Variants in FAM53B observed in about 807,000 individuals in gnomAD.
FAM53B encodes the protein protein FAM53B.
In FAM53B, 12 loss-of-function variants were observed where a neutral mutation model predicts 32.7. That is an observed-to-expected ratio of 0.37 (90% confidence interval 0.24 to 0.59). The LOEUF (loss-of-function observed/expected upper bound fraction) is 0.59, where lower values mean the gene tolerates loss of function less well. Among genes scored for constraint, FAM53B ranks in the 20% least tolerant of loss-of-function variants. The pLI is 0.72. For synonymous variants in FAM53B, 234 were observed against 228.7 expected (o/e 1.02, Z -0.21); for missense variants, 477 against 577.7 (o/e 0.83, Z 1.79).
Position 124,682,562 on chromosome 10 carries a change from C to T in FAM53B, c.134-183G>A, listed in dbSNP as rs1469321047. ...TGAGGCTGAGAGAGGAGAAGTGAAT[C>T]CCAAGGCTTTGAGTTGGAAGTTGGA... On this transcript the variant is annotated intron_variant, in intron 3 of 4. Transcript: ENST00000337318. The surrounding 1 kb of genome is among the most constrained non-coding windows in gnomAD (Gnocchi z 5.2). 7.2e-5 allele frequency among the ~76,000 whole-genome samples: 11 copies of T among 152,110 alleles called. No individual in the cohort carries two copies. Among genetic ancestry groups the T allele is most frequent in the Admixed American group, 7.2e-4 (11 of 15,272 alleles).
chr10:124,696,258 C>T (rs375070498), intron 2 of FAM53B, 46 bp from the exon 3 acceptor site: 17 of 1,496,166 alleles, frequency 1.1e-5, no homozygotes, highest in Non-Finnish European at 1.5e-5. Flanking sequence ...TCATAGGAAG[C>T]ATGTTTGCAC....
chr10:124,685,310 G>C (rs1479042440), intron 3 of FAM53B, among the ~76,000 whole-genome samples: 1 of 152,198 alleles, frequency 6.6e-6, no homozygotes, highest in Non-Finnish European at 1.5e-5. Flanking sequence ...GAATATGTGG[G>C]GGATGTGACT....
At chr10:124,678,739 G>C (rs1302231190) in intron 4 of FAM53B, among the ~76,000 whole-genome samples, 1 of 152,128 alleles carries the variant, frequency 6.6e-6, no homozygotes, top group African/African-American at 2.4e-5. Flanking sequence ...ATGAGGGCAG[G>C]GCCTTGGACC....
At chr10:124,642,651 A>G (rs1371179823) in intron 4 of FAM53B, among the ~76,000 whole-genome samples, 1 of 152,174 alleles carries the variant, frequency 6.6e-6, no homozygotes, top group Non-Finnish European at 1.5e-5. Context: ...CCCGAGACAC[A>G]GGGGCACGTG....
chr10:124,734,825 G>A lies in FAM53B; in HGVS notation c.-175+9188C>T, dbSNP rs114571752. Reference sequence around the variant, plus strand: ...CCAGCCAGCCCCAGACTCATGAGGCGCGATGCTCACCAGACCCAGGGAATA... The same window carrying A: ...CCAGCCAGCCCCAGACTCATGAGGCACGATGCTCACCAGACCCAGGGAATA... On this transcript the variant is annotated intron_variant, in intron 1 of 4. Transcript: ENST00000337318. 3.5e-4 allele frequency among the ~76,000 whole-genome samples: 53 copies of A among 152,308 alleles called. No homozygotes were observed. The South Asian group carries it at 9.7e-3, about 28-fold the overall frequency.
chr10:124,702,161 C>T (rs969451909), intron 2 of FAM53B, among the ~76,000 whole-genome samples: 4 of 152,234 alleles, frequency 2.6e-5, no homozygotes, highest in African/African-American at 7.2e-5. Context: ...CCCATAATTC[C>T]AAAGTGGCCT....
intron 4 of FAM53B, chr10:124,667,378 C>T (rs140765789): frequency 1.3e-5 from 10 of 764,806 alleles, no homozygotes; most frequent in African/African-American, 3.4e-5. Flanking sequence ...ACTCAGCCAC[C>T]GCCTGTAAAA....
In FAM53B at chr10:124,655,473, C is replaced by T. The variant is rs146099324; in HGVS notation, c.906+26134G>A. 2.8e-4 allele frequency among the ~76,000 whole-genome samples: 42 copies of T among 152,056 alleles called. No homozygotes were observed. The East Asian group carries it at 5.1e-3, about 18-fold the overall frequency. ...TCTCATCCCACGAAGCTTCTCAGGA[C>T]GATACCAGCAGGAAACACGGGATGC... On this transcript the variant is annotated intron_variant, in intron 4 of 4. Coordinates refer to ENST00000337318, the MANE Select transcript of FAM53B (RefSeq NM_014661.4).
chr10:124,725,925 C>T (rs1386793315), intron 1 of FAM53B, among the ~76,000 whole-genome samples: 2 of 152,142 alleles, frequency 1.3e-5, no homozygotes, highest in Non-Finnish European at 2.9e-5. Flanking sequence ...CAGGCCAACC[C>T]ACATCCTTGC....
intron 3 of FAM53B, among the ~76,000 whole-genome samples, chr10:124,689,309 C>A (rs1036356829): frequency 1.3e-5 from 2 of 152,180 alleles, no homozygotes; most frequent in South Asian, 2.1e-4. Context: ...TGAGCTCCCC[C>A]ACAATCGTCT....
intron 4 of FAM53B, among the ~76,000 whole-genome samples, chr10:124,681,299 G>A (rs1278946801): frequency 2.0e-5 from 3 of 152,118 alleles, no homozygotes; most frequent in Admixed American, 6.5e-5. Context: ...GTGAAGGGCC[G>A]GAGGGGATTA....
intron 1 of FAM53B, among the ~76,000 whole-genome samples, chr10:124,712,646 G>A (rs1195328069): frequency 6.6e-6 from 1 of 151,940 alleles, no homozygotes; most frequent in Non-Finnish European, 1.5e-5. Context: ...TCCCTGGGCA[G>A]TGCTCATGAT....
At chr10:124,663,286 A>G (rs1949645885) in intron 4 of FAM53B, among the ~76,000 whole-genome samples, 2 of 152,228 alleles carry the variant, frequency 1.3e-5, no homozygotes, top group African/African-American at 4.8e-5. Context: ...CCTAGGCCAA[A>G]GGAGGTACAG....
In FAM53B at chr10:124,733,896, G is replaced by T. The variant is rs374565586; in HGVS notation, c.-175+10117C>A. 1.3e-5 allele frequency among the ~76,000 whole-genome samples: 2 copies of T among 152,142 alleles called. No individual in the cohort carries two copies. Among genetic ancestry groups the T allele is most frequent in the Non-Finnish European group, 2.9e-5 (2 of 68,018 alleles). On this transcript the variant is annotated intron_variant, in intron 1 of 4. Transcript: ENST00000337318. The surrounding 1 kb of genome is among the most constrained non-coding windows in gnomAD (Gnocchi z 4.3). The stretch of plus-strand genomic sequence containing the variant: ...CCGCTCCCCTCTGAAATCTACACTC[G>T]TCTCACTCAGGCTCCAGGTCTCCCA...
intron 1 of FAM53B, among the ~76,000 whole-genome samples, chr10:124,727,153 G>C (rs1216856490): frequency 6.6e-6 from 1 of 152,100 alleles, no homozygotes; most frequent in Non-Finnish European, 1.5e-5. Context: ...CAGTTGCTGG[G>C]ACCACAGGTG....
chr10:124,624,406 G>C lies in FAM53B; in HGVS notation c.907-802C>G, dbSNP rs548949990. Among the ~76,000 whole-genome samples the C allele has an allele frequency of 2.6e-5, 4 of 152,364 alleles. No homozygotes were observed. The South Asian group carries it at 6.2e-4, about 24-fold the overall frequency. ...TGCCCTCCACAGGTGCTGGGGACTG[G>C]GAGGTCTGATCTGCTGAGGAGGGGC... is the stretch of plus-strand genomic sequence containing the variant. On this transcript the variant is annotated intron_variant, in intron 4 of 4. Coordinates refer to ENST00000337318, the MANE Select transcript of FAM53B (RefSeq NM_014661.4).
intron 3 of FAM53B, among the ~76,000 whole-genome samples, chr10:124,689,511 C>T (rs998254035): frequency 2.0e-5 from 3 of 152,188 alleles, no homozygotes; most frequent in African/African-American, 7.2e-5. Context: ...GTCTTGGATT[C>T]GGGGACAGCA....
chr10:124,642,129 A>G (rs1469501756), intron 4 of FAM53B, among the ~76,000 whole-genome samples: 1 of 152,228 alleles, frequency 6.6e-6, no homozygotes, highest in Non-Finnish European at 1.5e-5. Context: ...CAGTCACCAC[A>G]AGTGCAGTCA....
chr10:124,673,914 A>C (rs1949721841), intron 4 of FAM53B, among the ~76,000 whole-genome samples: 1 of 152,200 alleles, frequency 6.6e-6, no homozygotes, highest in Non-Finnish European at 1.5e-5. Flanking sequence ...AGATGCATGC[A>C]TGGTCAGAAA....
Sources: gnomAD v4.1 joint callset for allele counts (sites outside exome capture counted in the v4.1 genomes callset) on GRCh38, gnomAD v4.1.1 for gene constraint, Gnocchi (gnomAD v3.1) non-coding constraint, MANE v1.5 for transcripts, NCBI Gene and HGNC (gene_info 2026-07-23, HGNC 2026-07-21) for gene names.